OPCML: variants seen among roughly 807,000 people sequenced by gnomAD.
The protein encoded by OPCML is opioid binding protein/cell adhesion molecule like, also known as opioid-binding protein/cell adhesion molecule.
In OPCML, 13 loss-of-function variants were observed where a neutral mutation model predicts 37.8. The observed-to-expected ratio is 0.34, with a 90% CI of 0.22 to 0.55. The LOEUF (loss-of-function observed/expected upper bound fraction) is 0.55. Ranked by LOEUF, OPCML falls within the 20% of genes least tolerant of loss-of-function variation. The pLI is 0.91. For synonymous variants in OPCML, 176 were observed against 168.8 expected (o/e 1.04, Z -0.33); for missense variants, 341 against 435.6 (o/e 0.78, Z 1.93).
At chr11:132,530,663 C>T (rs895369307) in intron 3 of OPCML, among the ~76,000 whole-genome samples, 1 of 151,446 alleles carries the variant, frequency 6.6e-6, no homozygotes, top group Non-Finnish European at 1.5e-5. Context: ...TCTAACACAG[C>T]ACATGGCACA....
chr11:132,698,179 T>C (rs545717309), intron 2 of OPCML, among the ~76,000 whole-genome samples: 5 of 152,098 alleles, frequency 3.3e-5, no homozygotes, highest in Non-Finnish European at 7.4e-5. Context: ...GATTGCTGGA[T>C]CATTTGATAG....
intron 7 of OPCML, chr11:132,420,506 G>T: frequency 3.8e-6 from 2 of 522,964 alleles, no homozygotes; most frequent in Non-Finnish European, 4.9e-6. Flanking sequence ...TGCTCTGAAA[G>T]ACTATGCTTA....
At chr11:133,340,260 T>C (rs1388188090) in intron 1 of OPCML, among the ~76,000 whole-genome samples, 3 of 152,154 alleles carry the variant, frequency 2.0e-5, no homozygotes, top group African/African-American at 7.2e-5. Flanking sequence ...AGAGTGTCCT[T>C]TGACTCTCCG....
intron 1 of OPCML, among the ~76,000 whole-genome samples, chr11:133,210,297 A>G (rs1287844298): frequency 3.3e-5 from 5 of 152,172 alleles, no homozygotes; most frequent in Non-Finnish European, 7.3e-5. Flanking sequence ...GATGGACAGA[A>G]CATCAGAAAA....
At chr11:133,024,393 C>T (rs1450855155) in intron 1 of OPCML, 1 of 985,134 alleles carries the variant, frequency 1.0e-6, no homozygotes, top group African/African-American at 1.7e-5. Context: ...AGGATGGAGA[C>T]CTCTGGAGAG....
chr11:133,461,866 C>A (rs1946867367), intron 1 of OPCML, among the ~76,000 whole-genome samples: 1 of 151,090 alleles, frequency 6.6e-6, no homozygotes, highest in Non-Finnish European at 1.5e-5. Context: ...TCTCACATTT[C>A]CTGATATCAA....
chr11:132,527,785 G>C lies in OPCML; in HGVS notation c.505+1276C>G, dbSNP rs559121015. On this transcript the variant is annotated intron_variant, in intron 4 of 7. Transcript: ENST00000524381. ...GAATGTGACCTTATTTAGGAATAGG[G>C]TCTTTACAGAGGTAATCAAGTTAAA... Among the ~76,000 whole-genome samples, 4 of 152,248 alleles carry C rather than the reference G, an allele frequency of 2.6e-5. 1 individual carries two copies. In the East Asian group the frequency reaches 7.7e-4, roughly 29 times the overall value.
At chr11:132,810,056 G>A (rs370889880) in intron 2 of OPCML, among the ~76,000 whole-genome samples, 28 of 152,058 alleles carry the variant, frequency 1.8e-4, no homozygotes, top group African/African-American at 6.0e-4. Flanking sequence ...TCACCATGTT[G>A]GCCAGGATGG....
intron 1 of OPCML, among the ~76,000 whole-genome samples, chr11:133,204,876 A>ATATATATATATATATATGTGTG (rs1565502191): frequency 7.7e-4 from 23 of 30,022 alleles, no homozygotes; most frequent in Non-Finnish European, 1.3e-3. Flanking sequence ...GTGTATATAT[A>ATATATATATATATATATGTGTG]TATATATATA....
chr11:133,237,711 C>G (rs746354200), intron 1 of OPCML, among the ~76,000 whole-genome samples: 3 of 152,218 alleles, frequency 2.0e-5, no homozygotes, highest in African/African-American at 7.2e-5. Flanking sequence ...ATGTGACCCT[C>G]TAAAGCCTCC....
chr11:133,193,226 C>T (rs1176139332), intron 1 of OPCML, among the ~76,000 whole-genome samples: 1 of 152,074 alleles, frequency 6.6e-6, no homozygotes, highest in Non-Finnish European at 1.5e-5. Flanking sequence ...TACAATCCCT[C>T]CATTTCTGAA....
At chr11:133,371,725 T>C (rs1001729972) in intron 1 of OPCML, among the ~76,000 whole-genome samples, 28 of 152,358 alleles carry the variant, frequency 1.8e-4, no homozygotes, top group Non-Finnish European at 7.3e-5. Context: ...CTTTTGTTTA[T>C]AGATTACCCA....
intron 1 of OPCML, among the ~76,000 whole-genome samples, chr11:133,338,572 G>A (rs1048027998): frequency 1.1e-4 from 17 of 152,296 alleles, no homozygotes; most frequent in Non-Finnish European, 1.6e-4. Flanking sequence ...AGACTACTCT[G>A]CACTGGACTT....
chr11:133,342,985 C>T (rs543878992), intron 1 of OPCML, among the ~76,000 whole-genome samples: 7 of 152,294 alleles, frequency 4.6e-5, no homozygotes, highest in African/African-American at 1.4e-4. Context: ...TCGCTGCAAC[C>T]TTTGAACATC....
intron 1 of OPCML, among the ~76,000 whole-genome samples, chr11:133,233,802 C>T (rs1940396597): frequency 6.6e-6 from 1 of 152,208 alleles, no homozygotes; most frequent in Non-Finnish European, 1.5e-5. Context: ...CTTTTGTCAG[C>T]ATCATCCATA....
intron 1 of OPCML, among the ~76,000 whole-genome samples, chr11:133,226,830 C>T (rs1413173723): frequency 1.3e-5 from 2 of 152,112 alleles, no homozygotes; most frequent in Non-Finnish European, 1.5e-5. Context: ...GAGCCCAAAC[C>T]AGCGCAGTTT....
At chr11:133,341,994 C>CAGCA (rs1943880849) in intron 1 of OPCML, among the ~76,000 whole-genome samples, 1 of 152,060 alleles carries the variant, frequency 6.6e-6, no homozygotes, top group South Asian at 2.1e-4. Flanking sequence ...CCTGAAGGAA[C>CAGCA]AGCACTCTTT....
At chr11:132,577,927 T>C (rs938324181) in intron 3 of OPCML, among the ~76,000 whole-genome samples, 1 of 152,168 alleles carries the variant, frequency 6.6e-6, no homozygotes, top group East Asian at 1.9e-4. Flanking sequence ...CTCATAGTTA[T>C]ACTGATACCA....
chr11:132,973,531 A>C (rs1248406955), intron 1 of OPCML, among the ~76,000 whole-genome samples: 1 of 152,258 alleles, frequency 6.6e-6, no homozygotes, highest in East Asian at 1.9e-4. Context: ...TTTGCTCAAT[A>C]ATCTTTTTGT....
Sources: gnomAD v4.1 joint callset for allele counts (sites outside exome capture counted in the v4.1 genomes callset) on GRCh38, gnomAD v4.1.1 for gene constraint, MANE v1.5 for transcripts, NCBI Gene and HGNC (gene_info 2026-07-23, HGNC 2026-07-21) for gene names.